Variants in NOTCH1 observed in about 807,000 individuals in gnomAD.
The protein encoded by NOTCH1 is notch receptor 1.
In NOTCH1, 37 loss-of-function variants were observed where a neutral mutation model predicts 254.8. The ratio of observed to expected loss-of-function variants is 0.15; its 90% confidence interval spans 0.11 to 0.19. NOTCH1 has a LOEUF of 0.19. Ranked by LOEUF, NOTCH1 falls within the 10% of genes least tolerant of loss-of-function variation. The pLI is 1.00. For synonymous variants in NOTCH1, 1,731 were observed against 1,618.1 expected, an observed-to-expected ratio of 1.07 and a Z score of -1.68; for missense variants, 2,972 against 3,708.6, an observed-to-expected ratio of 0.80 and a Z score of 5.16.
chr9:136,518,372 C>T, intron 6 of NOTCH1, 80 bp from the exon 7 acceptor site: 6 of 1,525,964 alleles, frequency 3.9e-6, no homozygotes, highest in South Asian at 1.2e-5. Context: ...TCCAACCCCA[C>T]TGACACCCCA....
rs114314597 is a variant in NOTCH1, at chr9:136,532,001, T to A, written c.141-8022A>T. ...CCAGCGCCCAGCCCGGCTCACATAC[T>A]GGCCCACTGTGCCCCTGGCACCCCC... is the stretch of plus-strand genomic sequence containing the variant. On this transcript the variant is annotated intron_variant, in intron 2 of 33. Coordinates refer to ENST00000651671, the MANE Select transcript of NOTCH1 (RefSeq NM_017617.5). Among the ~76,000 whole-genome samples the A allele has an allele frequency of 6.2e-3, 948 of 152,314 alleles. 11 individuals are homozygous for A. The highest frequency in any genetic ancestry group is 0.021 in the African/African-American group (862 of 41,574).
chr9:136,511,464 G>C (rs889655516), intron 15 of NOTCH1, among the ~76,000 whole-genome samples, 193 bp from the exon 16 acceptor site: 5 of 152,146 alleles, frequency 3.3e-5, no homozygotes, highest in African/African-American at 9.7e-5. Context: ...AGCACAGATG[G>C]GGGGACGCTG....
chr9:136,512,293 C>T (rs760531146), intron 15 of NOTCH1, among the ~76,000 whole-genome samples: 79 of 152,318 alleles, frequency 5.2e-4, no homozygotes, highest in Non-Finnish European at 1.0e-3. Flanking sequence ...TCATGGGAAC[C>T]GCAGGCGTGG....
intron 17 of NOTCH1, 86 bp downstream of exon 17, chr9:136,510,567 G>A (rs1843163135): frequency 7.3e-6 from 11 of 1,509,626 alleles, no homozygotes; most frequent in Non-Finnish European, 9.8e-6. Flanking sequence ...GGGTGCTTAT[G>A]GCCAGCACCA....
At chr9:136,541,418 A>T (rs1282748746) in intron 2 of NOTCH1, among the ~76,000 whole-genome samples, 1 of 152,188 alleles carries the variant, frequency 6.6e-6, no homozygotes, top group Non-Finnish European at 1.5e-5. Flanking sequence ...CAGCGGAGGC[A>T]GCAAATGGCA....
Position 136,519,922 on chromosome 9 carries a change from T to A in NOTCH1, c.743-357A>T, listed in dbSNP as rs116620675. Among the ~76,000 whole-genome samples the A allele has an allele frequency of 5.2e-3, 796 of 152,266 alleles. 8 individuals are homozygous for A. Among genetic ancestry groups the A allele is most frequent in the African/African-American group, 0.018 (733 of 41,572 alleles). Reference sequence around the variant, plus strand: ...CTCCACAGGGGGGCCGCACACCCCATCTTCAGGGGCTGACACTGGGGCCTG... The same window carrying A: ...CTCCACAGGGGGGCCGCACACCCCAACTTCAGGGGCTGACACTGGGGCCTG... On this transcript the variant is annotated intron_variant, in intron 4 of 33. Transcript: ENST00000651671.
At position 136,499,272 on chromosome 9, in the gene NOTCH1, G is replaced by A. The variant is rs1842961782; in HGVS notation, c.5935-13C>T. 1 of 1,611,890 alleles carries A rather than the reference G, an allele frequency of 6.2e-7. No homozygotes were observed. The highest frequency in any genetic ancestry group is 8.5e-7 in the Non-Finnish European group (1 of 1,179,958). On this transcript the variant is annotated splice_polypyrimidine_tract_variant and intron_variant, in intron 31 of 33. Transcript: ENST00000651671. ...TCCGGATCAGGATCTGGGCAACAGGGAGAGGCTCAGGCGGGTGCTGGGCAG... is the reference window on the plus strand; with the variant it reads ...TCCGGATCAGGATCTGGGCAACAGGAAGAGGCTCAGGCGGGTGCTGGGCAG...
Position 136,510,750 on chromosome 9 carries a change from G to A in NOTCH1, c.2643C>T (p.Gly881=), listed in dbSNP as rs750777328. 4.7e-5 allele frequency: 76 copies of A among 1,610,438 alleles called. 1 individual carries two copies. The Middle Eastern group carries it at 6.6e-4, about 14-fold the overall frequency. Reference sequence around the variant, plus strand: ...CGCCGTGGGTGTTCTGGCAGGATGCGCCGTGCCGGCACGGGCTCAGAACGC... The same window carrying A: ...CGCCGTGGGTGTTCTGGCAGGATGCACCGTGCCGGCACGGGCTCAGAACGC... The part of the protein sequence containing the change: ...NECVLSPCRH[G]ASCQNTHGGY... The change falls in exon 17 of 34, where the codon GGC becomes GGT. Residue 881 remains glycine, a synonymous_variant. Coordinates refer to ENST00000651671, the MANE Select transcript of NOTCH1 (RefSeq NM_017617.5).
intron 2 of NOTCH1, among the ~76,000 whole-genome samples, chr9:136,527,705 C>T (rs1440332834): frequency 2.0e-5 from 3 of 152,222 alleles, no homozygotes; most frequent in African/African-American, 7.2e-5. Flanking sequence ...ACTCCCCTTC[C>T]GTGCGTCCCT....
chr9:136,525,836 G>T (rs1182450305), intron 2 of NOTCH1, among the ~76,000 whole-genome samples: 2 of 152,246 alleles, frequency 1.3e-5, no homozygotes, highest in Admixed American at 1.3e-4. Flanking sequence ...CAAAGGCCCG[G>T]GAGGCATCTG....
intron 2 of NOTCH1, among the ~76,000 whole-genome samples, chr9:136,528,423 G>C (rs1589075658): frequency 3.9e-5 from 3 of 77,318 alleles, no homozygotes; most frequent in Non-Finnish European, 9.0e-5. Flanking sequence ...AGTGCGGGGG[G>C]GATGGGCAGG....
intron 2 of NOTCH1, among the ~76,000 whole-genome samples, chr9:136,535,419 C>T (rs538049776): frequency 2.6e-5 from 4 of 151,606 alleles, no homozygotes; most frequent in South Asian, 4.2e-4. Flanking sequence ...AGAGGTGAGG[C>T]CTCTACAGAA....
chr9:136,494,606 C>T lies in NOTCH1; in HGVS notation c.*1465G>A, dbSNP rs1041605944. The T allele has an allele frequency of 1.5e-5, 6 of 398,856 alleles. No homozygotes were observed. Among genetic ancestry groups the T allele is most frequent in the East Asian group, 3.5e-5 (1 of 28,226 alleles). 24.7% of individuals were successfully genotyped at this position (398,856 alleles called of 1,614,324 possible). A position where few individuals can be genotyped will look rare whatever the true frequency, so the allele number is the denominator to read the frequency against. ...ATCAACATCTTGGGACGCATCTGGTCATGCCCCCTGGGGATGGCACCACGC... is the reference window on the plus strand; with the variant it reads ...ATCAACATCTTGGGACGCATCTGGTTATGCCCCCTGGGGATGGCACCACGC... On this transcript the variant is annotated 3_prime_UTR_variant, in exon 34 of 34. Coordinates refer to ENST00000651671, the MANE Select transcript of NOTCH1 (RefSeq NM_017617.5).
At chr9:136,543,845 T>C in intron 2 of NOTCH1, 179 bp downstream of exon 2, 11 of 704,106 alleles carry the variant, frequency 1.6e-5, no homozygotes, top group Non-Finnish European at 2.8e-5. Context: ...ACACGCAGCA[T>C]AATTGCTGGT....
intron 33 of NOTCH1, 57 bp from the exon 34 acceptor site, chr9:136,497,615 C>T: frequency 1.4e-6 from 2 of 1,443,482 alleles, no homozygotes; most frequent in Non-Finnish European, 1.9e-6. Flanking sequence ...GGGGACCCTC[C>T]CCAAGGTTCC....
intron 18 of NOTCH1, among the ~76,000 whole-genome samples, 160 bp downstream of exon 18, chr9:136,509,573 G>A (rs974329090): frequency 6.6e-6 from 1 of 152,222 alleles, no homozygotes; most frequent in African/African-American, 2.4e-5. Context: ...CTCTCAGGAG[G>A]GACAGGTCGG....
At position 136,494,903 on chromosome 9, in the gene NOTCH1, C is replaced by T; in HGVS notation, c.*1168G>A. 2.5e-6 allele frequency: 1 copy of T among 398,664 alleles called. No individual in the cohort carries two copies. Among genetic ancestry groups the T allele is most frequent in the Non-Finnish European group, 4.4e-6 (1 of 225,984 alleles). 24.7% of individuals were successfully genotyped at this position (398,664 alleles called of 1,614,324 possible). A position where few individuals can be genotyped will look rare whatever the true frequency, so the allele number is the denominator to read the frequency against. ...TAGGAGGGGTGGCCCAAGGGCAGCC[C>T]CCGCCTCCCTCCAGCCCCTGCCCGA... On this transcript the variant is annotated 3_prime_UTR_variant, in exon 34 of 34. Transcript: ENST00000651671.
intron 2 of NOTCH1, among the ~76,000 whole-genome samples, chr9:136,527,544 G>A (rs1281281634): frequency 1.3e-5 from 2 of 152,232 alleles, no homozygotes; most frequent in South Asian, 2.1e-4. Context: ...CAGGGGCGGT[G>A]GGGAGACCCC....
At chr9:136,514,346 G>T (rs971863483) in intron 13 of NOTCH1, among the ~76,000 whole-genome samples, 164 bp downstream of exon 13, 1 of 152,198 alleles carries the variant, frequency 6.6e-6, no homozygotes, top group African/African-American at 2.4e-5. Context: ...GTCTGACTGA[G>T]GACCCAGAGG....
Sources: allele counts gnomAD v4.1 joint callset (sites outside exome capture counted in the v4.1 genomes callset), GRCh38; gene constraint gnomAD v4.1.1; transcripts MANE v1.5; gene names NCBI Gene and HGNC (gene_info 2026-07-23, HGNC 2026-07-21).